PSME4: variants seen among roughly 807,000 people sequenced by gnomAD.
PSME4 encodes proteasome activator subunit 4, also known as proteasome activator complex subunit 4.
Under a neutral mutation model 253.9 loss-of-function variants are expected in PSME4, and 89 were observed. The observed-to-expected ratio is 0.35, with a 90% CI of 0.30 to 0.42. The LOEUF (loss-of-function observed/expected upper bound fraction) is 0.42, where lower values mean the gene tolerates loss of function less well. Among genes scored for constraint, PSME4 ranks in the 10% least tolerant of loss-of-function variants. The probability of loss-of-function intolerance (pLI) is 1.00; values close to 1 mark genes in which losing one functional copy is unlikely to be tolerated. For missense variants in PSME4, 2,014 were observed against 2,195.2 expected, an observed-to-expected ratio of 0.92 and a Z score of 1.65; for synonymous variants, 851 against 759.2, an observed-to-expected ratio of 1.12 and a Z score of -1.99.
chr2:53,970,897 G>A lies in PSME4; in HGVS notation c.-113C>T. 2.1e-6 allele frequency: 2 copies of A among 934,190 alleles called. No homozygotes were observed. Among genetic ancestry groups the A allele is most frequent in the Non-Finnish European group, 1.5e-6 (1 of 664,264 alleles). 57.9% of individuals were successfully genotyped at this position (934,190 alleles called of 1,614,324 possible). On this transcript the variant is annotated 5_prime_UTR_variant, in exon 1 of 47. The change creates a new upstream start codon in the 5' untranslated region. Coordinates refer to ENST00000404125, the MANE Select transcript of PSME4 (RefSeq NM_014614.3). ...GTCGCCCTGCGGCCGCTGGCGGCCC[G>A]TCGCCCTCGGACCGATCGCTAGGCC...
chr2:53,921,599 T>G (rs958080872), intron 17 of PSME4, among the ~76,000 whole-genome samples: 11 of 138,934 alleles, frequency 7.9e-5, no homozygotes, highest in African/African-American at 2.8e-4. Context: ...CCGGGCGCGG[T>G]GGCTCACGCC....
At chr2:53,920,867 C>T in intron 18 of PSME4, 22 bp downstream of exon 18, 1 of 1,550,924 alleles carries the variant, frequency 6.4e-7, no homozygotes, top group East Asian at 2.2e-5. Context: ...TTCTTGAATC[C>T]TAAAGTACTG....
At chr2:53,926,169 A>C in intron 12 of PSME4, 146 bp from the exon 13 acceptor site, 1 of 587,756 alleles carries the variant, frequency 1.7e-6, no homozygotes, top group Non-Finnish European at 3.0e-6. Context: ...GCTAGACTTC[A>C]TCTACTACTT....
At chr2:53,890,345 T>C (rs1329001346) in intron 36 of PSME4, 137 bp from the exon 37 acceptor site, 2 of 632,264 alleles carry the variant, frequency 3.2e-6, no homozygotes, top group Non-Finnish European at 2.7e-6. Flanking sequence ...CTCATGCTAT[T>C]GCCCAGGCTG....
chr2:53,888,462 T>TAA (rs1679741327), intron 38 of PSME4: 1 of 360,888 alleles, frequency 2.8e-6, no homozygotes, highest in Non-Finnish European at 5.0e-6. Flanking sequence ...ACAATTCTGA[T>TAA]AAAATATTTG....
rs1301801330 is a variant in PSME4, at chr2:53,936,281, T to G, written c.760-120A>C. On this transcript the variant is annotated intron_variant, in intron 6 of 46. Transcript: ENST00000404125. ...CATTAGTGCAATCTACTTAAATAGA[T>G]AGTTTATGACTTTGTTTTTTTTAAA... The G allele has an allele frequency of 6.4e-6, 9 of 1,396,040 alleles. No homozygotes were observed. The African/African-American group carries it at 1.3e-4, about 21-fold the overall frequency. 86.5% of individuals were successfully genotyped at this position (1,396,040 alleles called of 1,614,324 possible).
chr2:53,949,100 G>T, intron 2 of PSME4, 43 bp downstream of exon 2: 1 of 1,509,404 alleles, frequency 6.6e-7, no homozygotes, highest in Non-Finnish European at 8.9e-7. Flanking sequence ...AAACCCTGAA[G>T]AAACAAACAA....
intron 8 of PSME4, 69 bp downstream of exon 8, chr2:53,934,536 C>A: frequency 6.7e-7 from 1 of 1,492,498 alleles, no homozygotes; most frequent in Non-Finnish European, 9.1e-7. Context: ...CTGCGACTAT[C>A]CACAATTTTT....
At chr2:53,967,649 CAAAAAAAAAAAAAAAAAAA>C (rs71408747) in intron 1 of PSME4, among the ~76,000 whole-genome samples, 123 of 21,568 alleles carry the variant, frequency 5.7e-3, no homozygotes, top group Middle Eastern at 0.05. Flanking sequence ...GAGATTGTCT[CAAAAAAAAAAAAAAAAAAA>C]AAAAAAAAAA....
chr2:53,933,050 T>C (rs1241375704), intron 8 of PSME4: 6 of 264,478 alleles, frequency 2.3e-5, no homozygotes, highest in Non-Finnish European at 4.3e-5. Context: ...TGTTCTGCAG[T>C]AAATAACCTG....
At chr2:53,914,724 T>C (rs1192954749) in intron 20 of PSME4, among the ~76,000 whole-genome samples, 1 of 151,796 alleles carries the variant, frequency 6.6e-6, no homozygotes, top group Non-Finnish European at 1.5e-5. Flanking sequence ...CTACTAAAAA[T>C]ACAAAAATTA....
chr2:53,946,377 T>C (rs996391984), intron 3 of PSME4, among the ~76,000 whole-genome samples: 1 of 152,150 alleles, frequency 6.6e-6, no homozygotes, highest in Non-Finnish European at 1.5e-5. Flanking sequence ...CTGAACACAG[T>C]TCAAAGGTCC....
intron 41 of PSME4, 87 bp downstream of exon 41, chr2:53,885,603 C>A: frequency 2.1e-6 from 2 of 943,582 alleles, no homozygotes; most frequent in Non-Finnish European, 3.3e-6. Flanking sequence ...TTCACACTGT[C>A]TGAAGAACTT....
rs142999809 is a variant in PSME4 at position 53,869,121 on chromosome 2, C to T, written c.5263+255G>A. Among the ~76,000 whole-genome samples, 10 of 152,208 alleles carry T rather than the reference C, an allele frequency of 6.6e-5. No homozygotes were observed. The East Asian group carries it at 1.3e-3, about 21-fold the overall frequency. On this transcript the variant is annotated intron_variant, in intron 44 of 46. Transcript: ENST00000404125. The stretch of plus-strand genomic sequence containing the variant: ...CTCTTTTTTATGAAGCTATTCTGGG[C>T]GGAGGGTAGACTGAATACAATAGTT...
At chr2:53,956,752 T>C (rs996430410) in intron 1 of PSME4, among the ~76,000 whole-genome samples, 1 of 151,792 alleles carries the variant, frequency 6.6e-6, no homozygotes, top group Non-Finnish European at 1.5e-5. Flanking sequence ...GGAATTATTT[T>C]TATAATTAGA....
intron 20 of PSME4, among the ~76,000 whole-genome samples, chr2:53,916,875 A>G (rs1486036017): frequency 2.0e-5 from 3 of 152,094 alleles, no homozygotes; most frequent in Non-Finnish European, 4.4e-5. Flanking sequence ...CAAAAGTCAA[A>G]GGAAGACGGA....
chr2:53,867,797 T>TC (rs1678644621), intron 44 of PSME4, among the ~76,000 whole-genome samples: 1 of 152,138 alleles, frequency 6.6e-6, no homozygotes, highest in East Asian at 1.9e-4. Flanking sequence ...TAGCGTGGTT[T>TC]TTTTTTTCTG....
intron 19 of PSME4, among the ~76,000 whole-genome samples, chr2:53,919,786 T>C (rs560827933): frequency 6.6e-6 from 1 of 152,132 alleles, no homozygotes; most frequent in Non-Finnish European, 1.5e-5. Context: ...TTTCAAATAC[T>C]TATTTCTTGT....
At chr2:53,931,595 G>A (rs1668832319) in intron 10 of PSME4, among the ~76,000 whole-genome samples, 1 of 152,104 alleles carries the variant, frequency 6.6e-6, no homozygotes, top group Non-Finnish European at 1.5e-5. Context: ...TATAATTTTG[G>A]TAACTAAAAT....
Sources: gnomAD v4.1 joint callset for allele counts (sites outside exome capture counted in the v4.1 genomes callset) on GRCh38, gnomAD v4.1.1 for gene constraint, MANE v1.5 for transcripts, NCBI Gene and HGNC (gene_info 2026-07-23, HGNC 2026-07-21) for gene names.